Variants in CORO2A observed in about 807,000 individuals in gnomAD.
CORO2A encodes coronin 2A.
CORO2A carries 47 observed loss-of-function variants against 62.4 expected under a neutral mutation model. That is an observed-to-expected ratio of 0.75 (90% CI 0.60 to 0.96). The LOEUF (loss-of-function observed/expected upper bound fraction) is 0.96. Among genes scored for constraint, CORO2A ranks in the 40% least tolerant of loss-of-function variants. The pLI is 0.00. For synonymous variants in CORO2A, 273 were observed against 268.9 expected, an observed-to-expected ratio of 1.02 and a Z score of -0.15; for missense variants, 610 against 684.1, an observed-to-expected ratio of 0.89 and a Z score of 1.21.
chr9:98,157,263 T>C (rs1478803449), intron 2 of CORO2A, 197 bp downstream of exon 2: 1 of 567,048 alleles, frequency 1.8e-6, no homozygotes, highest in African/African-American at 1.9e-5. Context: ...CTAAGCCAAC[T>C]GCTAGAGGCT....
At chr9:98,142,429 C>A (rs1452530113) in intron 2 of CORO2A, among the ~76,000 whole-genome samples, 2 of 151,726 alleles carry the variant, frequency 1.3e-5, no homozygotes, top group African/African-American at 2.4e-5. Context: ...TGGCCTCCTT[C>A]CTGCACACAG....
intron 1 of CORO2A, among the ~76,000 whole-genome samples, chr9:98,177,625 C>A (rs1465359558): frequency 6.6e-6 from 1 of 151,636 alleles, no homozygotes; most frequent in African/African-American, 2.4e-5. Flanking sequence ...TGCCACCACA[C>A]CCGGCAAATT....
At chr9:98,162,890 C>A (rs1420325473) in intron 1 of CORO2A, among the ~76,000 whole-genome samples, 1 of 152,230 alleles carries the variant, frequency 6.6e-6, no homozygotes, top group African/African-American at 2.4e-5. Context: ...GTAGCGGGCC[C>A]TTCGCCTACA....
intron 6 of CORO2A, among the ~76,000 whole-genome samples, chr9:98,131,460 G>A (rs1827408079): frequency 6.6e-6 from 1 of 151,932 alleles, no homozygotes; most frequent in Admixed American, 6.6e-5. Context: ...CAAATAGCTG[G>A]GATTATAGAT....
At chr9:98,186,729 G>A (rs928888587) in intron 1 of CORO2A, among the ~76,000 whole-genome samples, 2 of 152,104 alleles carry the variant, frequency 1.3e-5, no homozygotes, top group African/African-American at 4.8e-5. Flanking sequence ...GGTTGTTATG[G>A]GGATTGGGTT....
intron 1 of CORO2A, among the ~76,000 whole-genome samples, chr9:98,175,839 T>C (rs1828099936): frequency 6.6e-6 from 1 of 152,178 alleles, no homozygotes. Context: ...ATAAATGAGT[T>C]AATATCTGTC....
intron 1 of CORO2A, among the ~76,000 whole-genome samples, chr9:98,159,596 A>G (rs1368036670): frequency 6.6e-6 from 1 of 150,400 alleles, no homozygotes; most frequent in Admixed American, 6.6e-5. Context: ...TCCTGTTCCC[A>G]TCTCCACAAA....
chr9:98,191,474 GCCC>G (rs1828305247), intron 1 of CORO2A, among the ~76,000 whole-genome samples: 1 of 152,220 alleles, frequency 6.6e-6, no homozygotes, highest in Non-Finnish European at 1.5e-5. Context: ...CCTGACCACT[GCCC>G]CAGGGTGAGG....
intron 2 of CORO2A, among the ~76,000 whole-genome samples, chr9:98,149,083 C>T (rs529377649): frequency 1.3e-4 from 20 of 152,208 alleles, no homozygotes; most frequent in African/African-American, 4.3e-4. Flanking sequence ...GTATGCTGTA[C>T]TGCGTACTGT....
At chr9:98,175,126 G>A (rs1828091245) in intron 1 of CORO2A, among the ~76,000 whole-genome samples, 1 of 152,122 alleles carries the variant, frequency 6.6e-6, no homozygotes, top group African/African-American at 2.4e-5. Context: ...GTTGGTCCCT[G>A]ATGTGACTTC....
At position 98,122,285 on chromosome 9, in the gene CORO2A, T is replaced by C. The variant is rs1249241880; in HGVS notation, c.*2489A>G. 2.0e-5 allele frequency: 3 copies of C among 152,212 alleles called. No homozygotes were observed. Among genetic ancestry groups the C allele is most frequent in the African/African-American group, 7.2e-5 (3 of 41,440 alleles). 9.4% of individuals were successfully genotyped at this position (152,212 alleles called of 1,614,324 possible). A position where few individuals can be genotyped will look rare whatever the true frequency, so the allele number is the denominator to read the frequency against. On this transcript the variant is annotated 3_prime_UTR_variant, in exon 12 of 12. Coordinates refer to ENST00000375077, the MANE Select transcript of CORO2A (RefSeq NM_052820.4). ...ATCACCTGTGGAGCTTATATGACCATACAGGCCCTACTCTGGAGATTCAGC... is the reference window on the plus strand; with the variant it reads ...ATCACCTGTGGAGCTTATATGACCACACAGGCCCTACTCTGGAGATTCAGC...
chr9:98,129,784 C>T lies in CORO2A; in HGVS notation c.967+10G>A, dbSNP rs562754440. 3 of 1,604,662 alleles carry T rather than the reference C, an allele frequency of 1.9e-6. No individual in the cohort carries two copies. In the African/African-American group the frequency reaches 4.0e-5, roughly 21 times the overall value. ...GATTACAGGCATGAACTTCAGTGTC[C>T]CTCACTTACCGATCCCCTTCTGTGG... On this transcript the variant is annotated intron_variant, in intron 8 of 11. Transcript: ENST00000375077.
At chr9:98,149,900 G>C (rs1827699699) in intron 2 of CORO2A, among the ~76,000 whole-genome samples, 1 of 151,914 alleles carries the variant, frequency 6.6e-6, no homozygotes, top group African/African-American at 2.4e-5. Context: ...TCTAGGATCA[G>C]GCTGTGTAGG....
intron 4 of CORO2A, among the ~76,000 whole-genome samples, chr9:98,133,863 C>A (rs1587993262): frequency 6.6e-6 from 1 of 152,314 alleles, no homozygotes; most frequent in Non-Finnish European, 1.5e-5. Flanking sequence ...AAGTGATCCT[C>A]CCACCTCAGC....
At chr9:98,183,395 A>G (rs945441721) in intron 1 of CORO2A, among the ~76,000 whole-genome samples, 3 of 152,150 alleles carry the variant, frequency 2.0e-5, no homozygotes, top group Admixed American at 6.5e-5. Flanking sequence ...TCTGCTCCCA[A>G]CTGTTCCGAA....
At position 98,181,334 on chromosome 9, in the gene CORO2A, C is replaced by CTTTTT. The variant is rs575456152; in HGVS notation, c.-1+11220_-1+11224dup. On this transcript the variant is annotated intron_variant, in intron 1 of 11. Coordinates refer to ENST00000375077, the MANE Select transcript of CORO2A (RefSeq NM_052820.4). ...ACCTTCAAATCATCTCTCTCTCTTG[C>CTTTTT]TTTTTTTTTTTTTTTTTTTTTTTAA... is the stretch of plus-strand genomic sequence containing the variant. Among the ~76,000 whole-genome samples, 13 of 112,222 alleles carry CTTTTT rather than the reference C, an allele frequency of 1.2e-4. 1 individual carries two copies. The highest frequency in any genetic ancestry group is 3.7e-4 in the African/African-American group (10 of 27,132). 73.6% of individuals were successfully genotyped at this position (112,222 alleles called of 152,430 possible).
intron 1 of CORO2A, among the ~76,000 whole-genome samples, chr9:98,170,442 T>C (rs1245387762): frequency 2.0e-5 from 3 of 152,194 alleles, no homozygotes; most frequent in Non-Finnish European, 4.4e-5. Flanking sequence ...CTAATTCTTT[T>C]ATTGTTGTTG....
At chr9:98,128,975 C>A (rs1827367850) in intron 8 of CORO2A, among the ~76,000 whole-genome samples, 3 of 152,180 alleles carry the variant, frequency 2.0e-5, no homozygotes, top group Non-Finnish European at 4.4e-5. Context: ...CTCTGTTGCC[C>A]AGGCTGGAGT....
chr9:98,134,842 G>A lies in CORO2A; in HGVS notation c.432C>T (p.Ala144=), dbSNP rs372861931. ...RVGLVEWHPT[A]ANILFSAGYD... ...AGCCAGCACTGAAGAGGATGTTGGC[G>A]GCCGTGGGGTGCCACTCCACCAGGC... Residue 144 remains alanine (A), a synonymous_variant, in exon 4 of 12, where the codon GCC becomes GCT. Transcript: ENST00000375077. 1.2e-5 allele frequency: 20 copies of A among 1,613,744 alleles called. No homozygotes were observed. The African/African-American group carries it at 1.7e-4, about 14-fold the overall frequency.
Sources: gnomAD v4.1 joint callset for allele counts (sites outside exome capture counted in the v4.1 genomes callset) on GRCh38, gnomAD v4.1.1 for gene constraint, MANE v1.5 for transcripts, NCBI Gene and HGNC (gene_info 2026-07-23, HGNC 2026-07-21) for gene names.